CDH11: variants seen among roughly 807,000 people sequenced by gnomAD.
CDH11 encodes cadherin-11.
Under a neutral mutation model 67.8 loss-of-function variants are expected in CDH11, and 11 were observed. The observed-to-expected ratio is 0.16, with a 90% CI of 0.10 to 0.27. CDH11 has a LOEUF of 0.27. Ranked by LOEUF, CDH11 falls within the 10% of genes least tolerant of loss-of-function variation. The pLI, the probability that CDH11 is intolerant of heterozygous loss-of-function variation, is 1.00. For synonymous variants in CDH11, 419 were observed against 400.0 expected (o/e 1.05, Z -0.57); for missense variants, 847 against 1,031.2 (o/e 0.82, Z 2.45).
chr16:65,012,365 C>T (rs1007908059), intron 2 of CDH11, among the ~76,000 whole-genome samples: 8 of 152,026 alleles, frequency 5.3e-5, no homozygotes, highest in Non-Finnish European at 8.8e-5. Context: ...TAGTTCAAAA[C>T]GAGGAGGTGG....
rs117932011 is a variant in CDH11 at position 65,074,919 on chromosome 16, G to T, written c.-297-20991C>A. ...GAAATGGTTAATATTCTCTATTAAAGTGTATATACTTGGAAATTACCAAAC... is the reference window on the plus strand; with the variant it reads ...GAAATGGTTAATATTCTCTATTAAATTGTATATACTTGGAAATTACCAAAC... On this transcript the variant is annotated intron_variant, in intron 1 of 12. Transcript: ENST00000268603. Among the ~76,000 whole-genome samples, 544 of 152,216 alleles carry T rather than the reference G, an allele frequency of 3.6e-3. 3 individuals carry two copies. The highest frequency in any genetic ancestry group is 6.1e-3 in the Non-Finnish European group (412 of 68,008).
intron 2 of CDH11, among the ~76,000 whole-genome samples, chr16:65,037,850 C>T (rs1017420638): frequency 2.0e-5 from 3 of 152,086 alleles, no homozygotes; most frequent in Non-Finnish European, 2.9e-5. Context: ...AGAGCAGTCA[C>T]TTGCCCAGTA....
At chr16:65,021,428 G>A (rs1416548549) in intron 2 of CDH11, among the ~76,000 whole-genome samples, 1 of 152,012 alleles carries the variant, frequency 6.6e-6, no homozygotes, top group Non-Finnish European at 1.5e-5. Context: ...CCTCTCATAT[G>A]AGTCTCAAGA....
chr16:64,969,448 T>C (rs2071940219), intron 11 of CDH11, among the ~76,000 whole-genome samples: 1 of 152,134 alleles, frequency 6.6e-6, no homozygotes, highest in African/African-American at 2.4e-5. Context: ...ACCACAAATA[T>C]TTGAGAAGCT....
At chr16:65,062,509 G>T (rs1294599863) in intron 1 of CDH11, among the ~76,000 whole-genome samples, 1 of 152,196 alleles carries the variant, frequency 6.6e-6, no homozygotes, top group East Asian at 1.9e-4. Context: ...ATAGGAGAGA[G>T]TTCCCTCTGG....
chr16:65,068,493 G>T (rs568651251), intron 1 of CDH11, among the ~76,000 whole-genome samples: 78 of 150,720 alleles, frequency 5.2e-4, no homozygotes, highest in Admixed American at 2.1e-3. Flanking sequence ...ATTTTTAGTG[G>T]CCTAAAGAAG....
intron 1 of CDH11, among the ~76,000 whole-genome samples, chr16:65,086,188 A>G (rs1462675424): frequency 6.6e-6 from 1 of 152,242 alleles, no homozygotes; most frequent in Non-Finnish European, 1.5e-5. Flanking sequence ...GAAGCTAACA[A>G]CTGTCTAGCC....
intron 1 of CDH11, among the ~76,000 whole-genome samples, chr16:65,104,643 C>T (rs571246639): frequency 2.0e-5 from 3 of 152,284 alleles, no homozygotes; most frequent in East Asian, 1.9e-4. Context: ...TTTGGCACTG[C>T]GCTTTTAATC....
At position 64,999,588 on chromosome 16, in the gene CDH11, C is replaced by T. The variant is rs918429394; in HGVS notation, c.229-732G>A. 2.0e-5 allele frequency among the ~76,000 whole-genome samples: 3 copies of T among 152,054 alleles called. No individual in the cohort carries two copies. The East Asian group carries it at 5.8e-4, about 29-fold the overall frequency. ...TCACTCTGTTGCCCAGGCTGGAGCG[C>T]AATGGCATGATCTCGGCTCACTGCA... On this transcript the variant is annotated intron_variant, in intron 3 of 12. Coordinates refer to ENST00000268603, the MANE Select transcript of CDH11 (RefSeq NM_001797.4).
intron 3 of CDH11, among the ~76,000 whole-genome samples, chr16:64,999,892 T>C (rs79673029): frequency 0.12 from 18,093 of 152,198 alleles, 1,464 homozygotes; most frequent in East Asian, 0.25. Flanking sequence ...ACACTTAGCT[T>C]GTTTCCTGGC....
intron 1 of CDH11, among the ~76,000 whole-genome samples, chr16:65,055,073 A>G (rs1264903782): frequency 1.3e-5 from 2 of 152,252 alleles, no homozygotes; most frequent in African/African-American, 4.8e-5. Flanking sequence ...ATGTCAGGAC[A>G]GAGTAACACT....
chr16:64,959,736 C>T (rs1026558925), intron 11 of CDH11, among the ~76,000 whole-genome samples: 10 of 152,084 alleles, frequency 6.6e-5, no homozygotes, highest in African/African-American at 2.2e-4. Flanking sequence ...CAATTAAGGG[C>T]GAAAAATACA....
intron 1 of CDH11, among the ~76,000 whole-genome samples, chr16:65,081,431 T>C (rs1263635293): frequency 1.3e-5 from 2 of 152,110 alleles, no homozygotes; most frequent in African/African-American, 2.4e-5. Context: ...TAGCCGGGCA[T>C]GGTGGCGGGC....
In CDH11 at chr16:65,011,005, GTATATA is replaced by G. The variant is rs981123900; in HGVS notation, c.-172-5970_-172-5965del. ...TATATATACACACACATATGTATAT[GTATATA>G]TATGTGTATATATATACACACATAT... On this transcript the variant is annotated intron_variant, in intron 2 of 12. Coordinates refer to ENST00000268603, the MANE Select transcript of CDH11 (RefSeq NM_001797.4). 1.6e-4 allele frequency among the ~76,000 whole-genome samples: 23 copies of G among 142,974 alleles called. No individual in the cohort carries two copies. The South Asian group carries it at 5.1e-3, about 31-fold the overall frequency. The allele number at this position is 142,974 out of a possible 152,430, so 93.8% of individuals were successfully genotyped here. A position where few individuals can be genotyped will look rare whatever the true frequency, so the allele number is the denominator to read the frequency against.
intron 4 of CDH11, among the ~76,000 whole-genome samples, chr16:64,995,764 G>A (rs1025981953): frequency 2.0e-5 from 3 of 152,136 alleles, no homozygotes; most frequent in Non-Finnish European, 2.9e-5. Flanking sequence ...TTACACTAAA[G>A]AGCTTCTGCA....
chr16:64,948,158 T>A, intron 12 of CDH11, 59 bp from the exon 13 acceptor site: 1 of 1,557,656 alleles, frequency 6.4e-7, no homozygotes, highest in Non-Finnish European at 8.6e-7. Flanking sequence ...TGGGTTCTTC[T>A]GCCAGAGGAA....
chr16:64,967,531 T>C (rs2071873480), intron 11 of CDH11, among the ~76,000 whole-genome samples: 2 of 152,154 alleles, frequency 1.3e-5, no homozygotes, highest in African/African-American at 4.8e-5. Context: ...TTGGCGAAGG[T>C]GTGGAAAACA....
At chr16:65,037,923 C>T (rs12920174) in intron 2 of CDH11, among the ~76,000 whole-genome samples, 40,051 of 152,048 alleles carry the variant, frequency 0.26, 6,049 homozygotes, top group Middle Eastern at 0.36. Flanking sequence ...AATCCAACCC[C>T]TCTGATGAGG....
Position 64,945,909 on chromosome 16 carries a change from G to C in CDH11, c.*1694C>G. ...CACGTGCCCTGTGTGTAGGGGGAAAGAGGGAAAGCACTTGCAGTGTGACTT... is the reference window on the plus strand; with the variant it reads ...CACGTGCCCTGTGTGTAGGGGGAAACAGGGAAAGCACTTGCAGTGTGACTT... On this transcript the variant is annotated 3_prime_UTR_variant, in exon 13 of 13. Transcript: ENST00000268603. 16 of 1,058,598 alleles carry C rather than the reference G, an allele frequency of 1.5e-5. No individual in the cohort carries two copies. The highest frequency in any genetic ancestry group is 1.8e-5 in the Non-Finnish European group (16 of 875,064). 65.6% of individuals were successfully genotyped at this position (1,058,598 alleles called of 1,614,324 possible).
Sources: gnomAD v4.1 joint callset for allele counts (sites outside exome capture counted in the v4.1 genomes callset) on GRCh38, gnomAD v4.1.1 for gene constraint, MANE v1.5 for transcripts, NCBI Gene and HGNC (gene_info 2026-07-23, HGNC 2026-07-21) for gene names.